The following CDC25B variants were observed in gnomAD, a reference collection of about 807,000 sequenced individuals.
CDC25B encodes M-phase inducer phosphatase 2.
CDC25B carries 33 observed loss-of-function variants against 69.8 expected under a neutral mutation model. The observed-to-expected ratio is 0.47, with a 90% CI of 0.36 to 0.63. The LOEUF is 0.63. Ranked by LOEUF, CDC25B falls within the 30% of genes least tolerant of loss-of-function variation. The pLI is 0.00. For synonymous variants in CDC25B, 341 were observed against 314.6 expected (o/e 1.08, Z -0.89); for missense variants, 727 against 809.1 (o/e 0.90, Z 1.23).
intron 11 of CDC25B, among the ~76,000 whole-genome samples, 153 bp downstream of exon 11, chr20:3,802,529 A>T (rs763985864): frequency 6.6e-6 from 1 of 151,014 alleles, no homozygotes; most frequent in South Asian, 2.1e-4. Flanking sequence ...TCTCACATAG[A>T]CTCCTCCCTC....
In CDC25B at chr20:3,804,899, A is replaced by G. The variant is rs1307593913; in HGVS notation, c.1681A>G (p.Thr561Ala). The change falls in exon 16 of 16, where the codon ACT becomes GCT. Residue 561 changes from threonine (T) to alanine (A), a missense_variant. Thr to Ala is a moderately conservative substitution (Grantham distance 58). Transcript: ENST00000245960. ...KDELKTFRLK[T>A]RSWAGERSRR... is the part of the protein sequence containing the mutation. ...TGAGCTAAAGACCTTCCGCCTCAAGACTCGCAGCTGGGCTGGGGAGCGGAG... is the reference window on the plus strand; with the variant it reads ...TGAGCTAAAGACCTTCCGCCTCAAGGCTCGCAGCTGGGCTGGGGAGCGGAG... 1.9e-6 allele frequency: 3 copies of G among 1,613,964 alleles called. No individual in the cohort carries two copies. The Admixed American group carries it at 5.0e-5, about 27-fold the overall frequency.
Position 3,804,594 on chromosome 20 carries a change from C to T in CDC25B, c.1516C>T (p.Arg506Cys), listed in dbSNP as rs966968317. 2 of 1,613,896 alleles carry T rather than the reference C, an allele frequency of 1.2e-6. No homozygotes were observed. Among genetic ancestry groups the T allele is most frequent in the Non-Finnish European group, 8.5e-7 (1 of 1,179,802 alleles). ...RMCRFIRERD[R>C]AVNDYPSLYY... ...GTGCCGTTTCATCAGGGAACGAGAC[C>T]GTGCTGTCAACGACTACCCCAGCCT... The change falls in exon 15 of 16, where the codon CGT becomes TGT. Residue 506 changes from arginine (R) to cysteine (C), a missense_variant. By Grantham distance (180) the Arg-to-Cys change is radical. Around this residue, in one of 2 missense-constraint regions of CDC25B, gnomAD observed 359 missense variants for 463.4 expected, o/e 0.77. Coordinates refer to ENST00000245960, the MANE Select transcript of CDC25B (RefSeq NM_021873.4).
At chr20:3,797,820 AATTTCCCTGCCGAT>A in intron 2 of CDC25B, 71 bp downstream of exon 2, 1 of 1,573,824 alleles carries the variant, frequency 6.4e-7, no homozygotes. Flanking sequence ...TGGGCCTCCC[AATTTCCCTGCCGAT>A]CAAACTAACA....
rs779489769 is a variant in CDC25B at position 3,804,902 on chromosome 20, C to T, written c.1684C>T (p.Arg562Cys). 12 of 1,613,954 alleles carry T rather than the reference C, an allele frequency of 7.4e-6. No individual in the cohort carries two copies. Among genetic ancestry groups the T allele is most frequent in the Non-Finnish European group, 1.0e-5 (12 of 1,180,036 alleles). ...DELKTFRLKT[R>C]SWAGERSRRE... ...GCTAAAGACCTTCCGCCTCAAGACTCGCAGCTGGGCTGGGGAGCGGAGCCG... is the reference window on the plus strand; with the variant it reads ...GCTAAAGACCTTCCGCCTCAAGACTTGCAGCTGGGCTGGGGAGCGGAGCCG... Residue 562 changes from arginine to cysteine, a missense_variant, in exon 16 of 16, where the codon CGC (arginine) becomes TGC (cysteine). Arg to Cys is a radical substitution (Grantham distance 180). Coordinates refer to ENST00000245960, the MANE Select transcript of CDC25B (RefSeq NM_021873.4).
Position 3,805,763 on chromosome 20 carries a change from T to C in CDC25B, c.*802T>C. 4 of 404,976 alleles carry C rather than the reference T, an allele frequency of 9.9e-6. No homozygotes were observed. The highest frequency in any genetic ancestry group is 1.8e-5 in the Non-Finnish European group (4 of 227,918). 25.1% of individuals were successfully genotyped at this position (404,976 alleles called of 1,614,324 possible). ...ACTGCTGTGAACCCTGGGGCCTGACTGCTCAGAACTTGCTGCTGTCTTGTT... is the reference window on the plus strand; with the variant it reads ...ACTGCTGTGAACCCTGGGGCCTGACCGCTCAGAACTTGCTGCTGTCTTGTT... On this transcript the variant is annotated 3_prime_UTR_variant, in exon 16 of 16. Coordinates refer to ENST00000245960, the MANE Select transcript of CDC25B (RefSeq NM_021873.4).
Position 3,803,814 on chromosome 20 carries a change from C to T in CDC25B, c.1490+277C>T, listed in dbSNP as rs547485673. Among the ~76,000 whole-genome samples the T allele has an allele frequency of 5.9e-5, 9 of 152,198 alleles. No homozygotes were observed. The highest frequency in any genetic ancestry group is 2.1e-4 in the South Asian group (1 of 4,826). ...CCAAGTCTCTAGCGGTGTCTTTTCT[C>T]GAAATCTAAGGGCCGCGTGTCAGTC... On this transcript the variant is annotated intron_variant, in intron 14 of 15. Transcript: ENST00000245960. The surrounding 1 kb of genome is among the most constrained non-coding windows in gnomAD (Gnocchi z 4.9).
rs371343744 is a variant in CDC25B, at chr20:3,802,933, C to T, written c.1218C>T (p.Asp406=). The T allele has an allele frequency of 1.7e-5, 27 of 1,613,766 alleles. No individual in the cohort carries two copies. The highest frequency in any genetic ancestry group is 8.8e-5 in the South Asian group (8 of 91,082). ...YSKAFLLQTV[D]GKHQDLKYIS... is the part of the protein sequence containing the mutation. ...AGGCCTTCCTCCTACAGACAGTAGA[C>T]GGAAAGCACCAAGACCTCAAGTACA... The change falls in exon 12 of 16, where the codon GAC becomes GAT. Residue 406 remains aspartate (D), a synonymous_variant. Coordinates refer to ENST00000245960, the MANE Select transcript of CDC25B (RefSeq NM_021873.4).
In CDC25B at chr20:3,804,632, G is replaced by A; in HGVS notation, c.1554G>A (p.Glu518=). 1.2e-6 allele frequency: 2 copies of A among 1,614,104 alleles called. No individual in the cohort carries two copies. The highest frequency in any genetic ancestry group is 1.7e-6 in the Non-Finnish European group (2 of 1,179,982). The change falls in exon 15 of 16, where the codon GAG becomes GAA. Residue 518 remains glutamate, a synonymous_variant. Coordinates refer to ENST00000245960, the MANE Select transcript of CDC25B (RefSeq NM_021873.4). ...VNDYPSLYYP[E]MYILKGGYKE... ...ACTACCCCAGCCTCTACTACCCTGAGATGTATATCCTGAAAGGCGGCTACA... is the reference window on the plus strand; with the variant it reads ...ACTACCCCAGCCTCTACTACCCTGAAATGTATATCCTGAAAGGCGGCTACA...
rs372954698 is a variant in CDC25B at position 3,802,034 on chromosome 20, G to T, written c.1032G>T (p.Thr344=). The T allele has an allele frequency of 2.5e-6, 4 of 1,582,828 alleles. No homozygotes were observed. Among genetic ancestry groups the T allele is most frequent in the Non-Finnish European group, 3.4e-6 (4 of 1,165,006 alleles). ...TGGAGCGGCCCCAGGACAGGGACAC[G>T]CCCGTGCAGAATAAGCGGAGGCGGA... ...KRLERPQDRD[T]PVQNKRRRSV... The change falls in exon 10 of 16, where the codon ACG becomes ACT. Residue 344 remains threonine (T), a synonymous_variant. Coordinates refer to ENST00000245960, the MANE Select transcript of CDC25B (RefSeq NM_021873.4).
chr20:3,798,860 T>A, intron 3 of CDC25B, among the ~76,000 whole-genome samples: 1 of 152,250 alleles, frequency 6.6e-6, no homozygotes, highest in Admixed American at 6.5e-5. Context: ...TTCAAAACTT[T>A]AACTCACTCT....
chr20:3,796,580 G>A lies in CDC25B; in HGVS notation c.49G>A (p.Ala17Thr). 6.9e-7 allele frequency: 1 copy of A among 1,453,858 alleles called. No individual in the cohort carries two copies. The highest frequency in any genetic ancestry group is 2.8e-5 in the East Asian group (1 of 35,296). 90.1% of individuals were successfully genotyped at this position (1,453,858 alleles called of 1,614,324 possible). The change falls in exon 1 of 16, where the codon GCA becomes ACA. Residue 17 changes from alanine (A) to threonine (T), a missense_variant. Around this residue, in one of 2 missense-constraint regions of CDC25B, gnomAD observed 368 missense variants for 345.6 expected, o/e 1.06. Transcript: ENST00000245960. ...CGCGCCAGGCTCGGCTCTCAGTCCAGCAGGCGTGTGCGGTGGCGCCCAGCG... is the reference window on the plus strand; with the variant it reads ...CGCGCCAGGCTCGGCTCTCAGTCCAACAGGCGTGTGCGGTGGCGCCCAGCG... ...EPAPGSALSP[A>T]GVCGGAQRPG...
At chr20:3,800,051 C>A (rs914184707) in intron 3 of CDC25B, among the ~76,000 whole-genome samples, 1 of 152,172 alleles carries the variant, frequency 6.6e-6, no homozygotes. Context: ...CACTGCCATT[C>A]TCTGGGCTTT....
rs2089065778 is a variant in CDC25B, at chr20:3,796,669, G to C, written c.138G>C (p.Ala46=). The C allele has an allele frequency of 1.3e-6, 2 of 1,513,360 alleles. No homozygotes were observed. Among genetic ancestry groups the C allele is most frequent in the Non-Finnish European group, 1.8e-6 (2 of 1,140,866 alleles). 93.7% of individuals were successfully genotyped at this position (1,513,360 alleles called of 1,614,324 possible). A position where few individuals can be genotyped will look rare whatever the true frequency, so the allele number is the denominator to read the frequency against. ...GCCTCCTGGGGTCCCCGGTGCGGGC[G>C]GCCGCTTCCTCGCCGGTCACCACCC... The part of the protein sequence containing the change: ...SHGLLGSPVR[A]AASSPVTTLT... The change falls in exon 1 of 16, where the codon GCG becomes GCC. Residue 46 remains alanine (A), a synonymous_variant. Coordinates refer to ENST00000245960, the MANE Select transcript of CDC25B (RefSeq NM_021873.4).
intron 1 of CDC25B, chr20:3,787,154 C>A (rs2088839642): frequency 1.5e-6 from 1 of 656,390 alleles, no homozygotes; most frequent in Non-Finnish European, 2.7e-6. Flanking sequence ...CATTTTGATA[C>A]ATTTCCTTCC....
Position 3,796,698 on chromosome 20 carries a change from C to G in CDC25B, c.167C>G (p.Thr56Ser), listed in dbSNP as rs1473609407. 11 of 1,561,524 alleles carry G rather than the reference C, an allele frequency of 7.0e-6. No individual in the cohort carries two copies. Among genetic ancestry groups the G allele is most frequent in the African/African-American group, 1.4e-5 (1 of 71,648 alleles). The change falls in exon 1 of 16, where the codon ACC (threonine) becomes AGC (serine). Residue 56 changes from threonine to serine, a missense_variant. Thr to Ser is a moderately conservative substitution (Grantham distance 58, BLOSUM62 1). This residue lies in a region of CDC25B where 368 missense variants were observed against 345.6 expected (regional missense o/e 1.06). Coordinates refer to ENST00000245960, the MANE Select transcript of CDC25B (RefSeq NM_021873.4). ...GCTTCCTCGCCGGTCACCACCCTCA[C>G]CCAGACCATGCACGACCTCGCCGGG... ...AAASSPVTTL[T>S]QTMHDLAGLG...
intron 3 of CDC25B, among the ~76,000 whole-genome samples, chr20:3,800,034 T>G (rs1265808038): frequency 2.6e-5 from 4 of 152,106 alleles, no homozygotes; most frequent in Non-Finnish European, 5.9e-5. Context: ...GCCCCAGCTG[T>G]CTCTATCACT....
At chr20:3,800,126 G>A (rs1270091083) in intron 3 of CDC25B, among the ~76,000 whole-genome samples, 162 bp from the exon 4 acceptor site, 1 of 151,810 alleles carries the variant, frequency 6.6e-6, no homozygotes, top group East Asian at 1.9e-4. Flanking sequence ...CCAATACCTG[G>A]GCCCCCTGAT....
chr20:3,802,926 C>A lies in CDC25B; in HGVS notation c.1211C>A (p.Thr404Lys). ...GDYSKAFLLQ[T>K]VDGKHQDLKY... The stretch of plus-strand genomic sequence containing the variant: ...TCCCTTCAGGCCTTCCTCCTACAGA[C>A]AGTAGACGGAAAGCACCAAGACCTC... Residue 404 changes from threonine to lysine, a missense_variant, in exon 12 of 16, where the codon ACA becomes AAA. Transcript: ENST00000245960. 1 of 1,613,992 alleles carries A rather than the reference C, an allele frequency of 6.2e-7. No individual in the cohort carries two copies. The highest frequency in any genetic ancestry group is 8.5e-7 in the Non-Finnish European group (1 of 1,179,820).
At chr20:3,802,422 C>CT in intron 11 of CDC25B, 46 bp downstream of exon 11, 1 of 1,367,950 alleles carries the variant, frequency 7.3e-7, no homozygotes, top group South Asian at 1.2e-5. Context: ...TGACCTCTTA[C>CT]TGACTAGGGG....
Sources: allele counts gnomAD v4.1 joint callset (sites outside exome capture counted in the v4.1 genomes callset), GRCh38; gene constraint gnomAD v4.1.1; regional missense constraint gnomAD v4.1.1; non-coding constraint Gnocchi (gnomAD v3.1); transcripts MANE v1.5; gene names NCBI Gene and HGNC (gene_info 2026-07-23, HGNC 2026-07-21).